EXT1: variants seen among roughly 807,000 people sequenced by gnomAD.
EXT1 encodes the protein exostosin-1.
EXT1 carries 20 observed loss-of-function variants against 82.5 expected under a neutral mutation model. The observed-to-expected ratio is 0.24, with a 90% CI of 0.17 to 0.35. EXT1 has a LOEUF of 0.35. EXT1 is among the 10% of genes least tolerant of loss of function. EXT1 has a pLI of 1.00. For synonymous variants in EXT1, 348 were observed against 350.8 expected, an observed-to-expected ratio of 0.99 and a Z score of 0.09; for missense variants, 757 against 936.5, an observed-to-expected ratio of 0.81 and a Z score of 2.50.
At chr8:117,955,086 A>T (rs1321984698) in intron 1 of EXT1, among the ~76,000 whole-genome samples, 2 of 152,202 alleles carry the variant, frequency 1.3e-5, no homozygotes, top group African/African-American at 4.8e-5. Context: ...GATTTATTAA[A>T]AAGGACATAA....
Position 118,099,674 on chromosome 8 carries a change from T to C in EXT1, c.962+10411A>G, listed in dbSNP as rs193131752. 3.4e-3 allele frequency among the ~76,000 whole-genome samples: 524 copies of C among 152,322 alleles called. 4 individuals are homozygous for C. Among genetic ancestry groups the C allele is most frequent in the African/African-American group, 0.012 (504 of 41,562 alleles). The stretch of plus-strand genomic sequence containing the variant: ...GACTGTCTGCTTCAGTTTCTTCATC[T>C]GTAAAATGGAGATAAAATGGGTATC... On this transcript the variant is annotated intron_variant, in intron 1 of 10. Transcript: ENST00000378204.
At chr8:118,024,052 T>C (rs1422567339) in intron 1 of EXT1, among the ~76,000 whole-genome samples, 1 of 152,150 alleles carries the variant, frequency 6.6e-6, no homozygotes, top group African/African-American at 2.4e-5. Flanking sequence ...CTATCTCCCA[T>C]CCACCACTTA....
chr8:117,886,892 A>G (rs531890379), intron 1 of EXT1, among the ~76,000 whole-genome samples: 1 of 152,314 alleles, frequency 6.6e-6, no homozygotes, highest in East Asian at 1.9e-4. Context: ...CTTAAGATTT[A>G]AAAAAAGAAA....
At chr8:117,975,643 G>A (rs1348052542) in intron 1 of EXT1, among the ~76,000 whole-genome samples, 1 of 152,026 alleles carries the variant, frequency 6.6e-6, no homozygotes, top group Non-Finnish European at 1.5e-5. Flanking sequence ...GGCAATGCTT[G>A]CTTAAAGGAC....
chr8:117,835,298 GA>G (rs1812170734), intron 3 of EXT1, 145 bp downstream of exon 3: 2 of 687,158 alleles, frequency 2.9e-6, no homozygotes, highest in South Asian at 3.2e-5. Flanking sequence ...CATATTAAAT[GA>G]CTTCATATTC....
At chr8:117,973,886 G>GAAAGAAAGGA (rs747386364) in intron 1 of EXT1, among the ~76,000 whole-genome samples, 2 of 67,320 alleles carry the variant, frequency 3.0e-5, no homozygotes, top group African/African-American at 1.2e-4. Flanking sequence ...GAAAGGAAAG[G>GAAAGAAAGGA]AAGGAAAGGA....
intron 1 of EXT1, among the ~76,000 whole-genome samples, chr8:118,107,639 A>C (rs1301132329): frequency 6.6e-6 from 1 of 152,214 alleles, no homozygotes; most frequent in Non-Finnish European, 1.5e-5. Context: ...AGAGCACGAC[A>C]CACGTTGCTT....
chr8:117,949,338 TAAGCC>T (rs1814446804), intron 1 of EXT1, among the ~76,000 whole-genome samples: 1 of 152,080 alleles, frequency 6.6e-6, no homozygotes, highest in Non-Finnish European at 1.5e-5. Context: ...GCATCCATCA[TAAGCC>T]TACATACTTA....
At chr8:118,041,344 C>A (rs1816523053) in intron 1 of EXT1, among the ~76,000 whole-genome samples, 1 of 152,176 alleles carries the variant, frequency 6.6e-6, no homozygotes, top group Non-Finnish European at 1.5e-5. Flanking sequence ...TCAAATTACT[C>A]TGCATGTGAT....
chr8:117,933,832 C>T (rs1267858737), intron 1 of EXT1, among the ~76,000 whole-genome samples: 2 of 152,190 alleles, frequency 1.3e-5, no homozygotes, highest in Non-Finnish European at 2.9e-5. Flanking sequence ...CATCACATTG[C>T]TCGTCTTAAT....
At chr8:117,942,377 C>A (rs1023258362) in intron 1 of EXT1, among the ~76,000 whole-genome samples, 1 of 152,148 alleles carries the variant, frequency 6.6e-6, no homozygotes, top group South Asian at 2.1e-4. Flanking sequence ...TTTATACCCC[C>A]AGAACCTAGC....
At chr8:117,924,365 T>C (rs1386752621) in intron 1 of EXT1, among the ~76,000 whole-genome samples, 1 of 152,182 alleles carries the variant, frequency 6.6e-6, no homozygotes, top group Non-Finnish European at 1.5e-5. Flanking sequence ...AGGGGTTTTA[T>C]TTTTGGCTGC....
chr8:117,838,641 T>C (rs1812224115), intron 1 of EXT1, among the ~76,000 whole-genome samples: 1 of 149,366 alleles, frequency 6.7e-6, no homozygotes, highest in Admixed American at 6.7e-5. Flanking sequence ...TAGTTAAATA[T>C]AAAAAAAAAA....
intron 1 of EXT1, among the ~76,000 whole-genome samples, chr8:118,084,520 T>C (rs1453501911): frequency 1.3e-5 from 2 of 152,226 alleles, no homozygotes; most frequent in Non-Finnish European, 1.5e-5. Flanking sequence ...GCATGTTATA[T>C]AATTCAGTCG....
intron 8 of EXT1, among the ~76,000 whole-genome samples, chr8:117,811,512 T>A (rs1823323202): frequency 6.6e-6 from 1 of 152,186 alleles, no homozygotes; most frequent in Non-Finnish European, 1.5e-5. Context: ...AGAAAGCATT[T>A]TAACAAGGTG....
intron 1 of EXT1, among the ~76,000 whole-genome samples, chr8:118,017,617 A>G (rs1170096854): frequency 6.6e-6 from 1 of 152,218 alleles, no homozygotes; most frequent in Non-Finnish European, 1.5e-5. Flanking sequence ...AACAAAACAG[A>G]TATCAGGTAG....
At chr8:118,036,621 G>A (rs1037275961) in intron 1 of EXT1, among the ~76,000 whole-genome samples, 10 of 152,066 alleles carry the variant, frequency 6.6e-5, no homozygotes, top group South Asian at 2.1e-4. Flanking sequence ...TAATGTTTCC[G>A]TTTTTAATAG....
intron 1 of EXT1, among the ~76,000 whole-genome samples, chr8:117,971,091 T>C (rs1247317888): frequency 6.6e-6 from 1 of 152,152 alleles, no homozygotes; most frequent in Non-Finnish European, 1.5e-5. Context: ...ACACCAGGTG[T>C]GCACATAGCT....
chr8:118,044,564 T>C (rs13271950), intron 1 of EXT1, among the ~76,000 whole-genome samples: 69,852 of 151,954 alleles, frequency 0.46, 16,407 homozygotes, highest in African/African-American at 0.53. Context: ...TGCGCCATCA[T>C]GCCTGGCTAA....
Sources: gnomAD v4.1 joint callset for allele counts (sites outside exome capture counted in the v4.1 genomes callset) on GRCh38, gnomAD v4.1.1 for gene constraint, MANE v1.5 for transcripts, NCBI Gene and HGNC (gene_info 2026-07-23, HGNC 2026-07-21) for gene names.